Variants in RPS6KA2 observed in about 807,000 individuals in gnomAD.
RPS6KA2 encodes the protein ribosomal protein S6 kinase A2.
In RPS6KA2, 42 loss-of-function variants were observed where a neutral mutation model predicts 91.8. The ratio of observed to expected loss-of-function variants is 0.46; its 90% confidence interval spans 0.36 to 0.59. The LOEUF (loss-of-function observed/expected upper bound fraction) is 0.59. Ranked by LOEUF, RPS6KA2 falls within the 20% of genes least tolerant of loss-of-function variation. The probability of loss-of-function intolerance (pLI) is 0.00; values close to 1 mark genes in which losing one functional copy is unlikely to be tolerated. For missense variants in RPS6KA2, 798 were observed against 978.5 expected (o/e 0.82, Z 2.46); for synonymous variants, 414 against 393.6 (o/e 1.05, Z -0.61).
At position 166,767,358 on chromosome 6, in the gene RPS6KA2, CAAGACCACA is replaced by C. The variant is rs370757466; in HGVS notation, c.123+90833_123+90841del. ...AAAACAGAAAAATCACTCCTCTAAC[CAAGACCACA>C]AAGGCCGCGCGGATCAATGTGCTCC... On this transcript the variant is annotated intron_variant, in intron 2 of 21. Coordinates refer to the RPS6KA2 transcript ENST00000503859. The surrounding 1 kb of genome is among the most constrained non-coding windows in gnomAD (Gnocchi z 4.6). 2.1e-3 allele frequency among the ~76,000 whole-genome samples: 327 copies of C among 152,304 alleles called. 2 individuals are homozygous for C. The highest frequency in any genetic ancestry group is 7.4e-3 in the African/African-American group (307 of 41,558).
At chr6:166,486,346 G>T (rs1781409972) in intron 10 of RPS6KA2, among the ~76,000 whole-genome samples, 1 of 152,144 alleles carries the variant, frequency 6.6e-6, no homozygotes, top group Non-Finnish European at 1.5e-5. Flanking sequence ...GTCCTGATCA[G>T]GCGTCCTCCC....
chr6:166,414,473 AAAAC>A (rs1243347185), intron 19 of RPS6KA2, among the ~76,000 whole-genome samples: 3 of 152,228 alleles, frequency 2.0e-5, no homozygotes, highest in Non-Finnish European at 4.4e-5. Flanking sequence ...AAAAACCTCT[AAAAC>A]AAGATTCTAC....
At chr6:166,851,352 T>C (rs752368046) in intron 2 of RPS6KA2, among the ~76,000 whole-genome samples, 1 of 151,968 alleles carries the variant, frequency 6.6e-6, no homozygotes, top group Non-Finnish European at 1.5e-5. Flanking sequence ...GGAGCTTTCT[T>C]TGGGTCTTTT....
chr6:166,742,059 C>T (rs900824222), intron 2 of RPS6KA2, among the ~76,000 whole-genome samples: 1 of 152,074 alleles, frequency 6.6e-6, no homozygotes, highest in Non-Finnish European at 1.5e-5. Context: ...ATTTGAGAGG[C>T]GGCTGTTGCA....
At chr6:166,636,317 C>T (rs977988287) in intron 2 of RPS6KA2, among the ~76,000 whole-genome samples, 1 of 152,016 alleles carries the variant, frequency 6.6e-6, no homozygotes, top group African/African-American at 2.4e-5. Context: ...TAGCCTATCT[C>T]GGACAGGCTT....
chr6:166,485,714 G>C (rs541413754), intron 10 of RPS6KA2, among the ~76,000 whole-genome samples: 1 of 150,796 alleles, frequency 6.6e-6, no homozygotes, highest in South Asian at 2.1e-4. Context: ...CAGACGCACG[G>C]TGATGAACGG....
At position 166,673,660 on chromosome 6, in the gene RPS6KA2, G is replaced by A. The variant is rs139254076; in HGVS notation, c.124-134876C>T. ...CCAAAGCGCAGCCTGCAGGCGGCAC[G>A]CAGCCCAGGTCAGCTTTGAATGTGG... On this transcript the variant is annotated intron_variant, in intron 2 of 21. Transcript: ENST00000503859. 1.4e-4 allele frequency among the ~76,000 whole-genome samples: 21 copies of A among 152,372 alleles called. No homozygotes were observed. The East Asian group carries it at 2.7e-3, about 20-fold the overall frequency.
chr6:166,503,899 C>T (rs1160482748), intron 6 of RPS6KA2, among the ~76,000 whole-genome samples: 1 of 152,210 alleles, frequency 6.6e-6, no homozygotes, highest in East Asian at 1.9e-4. Context: ...ATATACAAAT[C>T]TCAGTGGACT....
chr6:166,624,981 G>C (rs951412763), intron 1 of RPS6KA2, among the ~76,000 whole-genome samples: 1 of 151,992 alleles, frequency 6.6e-6, no homozygotes, highest in Non-Finnish European at 1.5e-5. Flanking sequence ...TTACAGGCAC[G>C]CGCCACCATG....
At chr6:166,481,313 C>T (rs1781205271) in intron 10 of RPS6KA2, among the ~76,000 whole-genome samples, 1 of 152,192 alleles carries the variant, frequency 6.6e-6, no homozygotes, top group Admixed American at 6.5e-5. Flanking sequence ...TTTGTTGTTG[C>T]AAAGATTAGA....
At chr6:166,797,327 C>T (rs1267157183) in intron 2 of RPS6KA2, among the ~76,000 whole-genome samples, 3 of 150,478 alleles carry the variant, frequency 2.0e-5, no homozygotes, top group African/African-American at 7.4e-5. Context: ...TTTTTAGAAT[C>T]AGTGGCATGA....
chr6:166,851,885 A>G (rs1422514618), intron 2 of RPS6KA2, among the ~76,000 whole-genome samples: 2 of 152,208 alleles, frequency 1.3e-5, no homozygotes, highest in African/African-American at 4.8e-5. Flanking sequence ...CAAGAGCCAG[A>G]CTTCTTGTCT....
chr6:166,618,345 G>C (rs1003711409), intron 1 of RPS6KA2, among the ~76,000 whole-genome samples: 1 of 152,174 alleles, frequency 6.6e-6, no homozygotes, highest in Admixed American at 6.5e-5. Context: ...AAGTGTCCCT[G>C]GGCCAGAGTC....
At chr6:166,478,942 G>A (rs558734180) in intron 10 of RPS6KA2, among the ~76,000 whole-genome samples, 9 of 152,324 alleles carry the variant, frequency 5.9e-5, no homozygotes, top group African/African-American at 2.2e-4. Context: ...CATCCGCTCA[G>A]GCCCACACGG....
intron 1 of RPS6KA2, among the ~76,000 whole-genome samples, chr6:166,556,195 C>T (rs140163730): frequency 0.011 from 1,727 of 152,340 alleles, 25 homozygotes; most frequent in Middle Eastern, 0.031. Context: ...AGGTGGCTCT[C>T]TCCTGTGCAA....
intron 11 of RPS6KA2, among the ~76,000 whole-genome samples, chr6:166,466,298 G>A (rs1003420429): frequency 2.6e-5 from 4 of 152,218 alleles, no homozygotes; most frequent in African/African-American, 4.8e-5. Context: ...AGAGCTCGCC[G>A]GACCTCAGCA....
upstream of RPS6KA2, among the ~76,000 whole-genome samples, chr6:166,632,038 C>T (rs2128546057): frequency 6.6e-6 from 1 of 152,328 alleles, no homozygotes; most frequent in Admixed American, 6.5e-5. Flanking sequence ...TGCCTTCAAC[C>T]TCCAGGACCT....
At chr6:166,745,436 G>A (rs1257147005) in intron 2 of RPS6KA2, among the ~76,000 whole-genome samples, 6 of 152,166 alleles carry the variant, frequency 3.9e-5, no homozygotes, top group Non-Finnish European at 7.3e-5. Context: ...CCAGGTGTGA[G>A]CCACTGCACC....
chr6:166,755,654 T>C (rs1382753839), intron 2 of RPS6KA2, among the ~76,000 whole-genome samples: 1 of 152,130 alleles, frequency 6.6e-6, no homozygotes, highest in Non-Finnish European at 1.5e-5. Context: ...ACCTCCTCCT[T>C]TCCTTCACCT....
Sources: allele counts gnomAD v4.1 joint callset (sites outside exome capture counted in the v4.1 genomes callset), GRCh38; gene constraint gnomAD v4.1.1; non-coding constraint Gnocchi (gnomAD v3.1); transcripts MANE v1.5; gene names NCBI Gene and HGNC (gene_info 2026-07-23, HGNC 2026-07-21).